The following DDX60 variants were observed in gnomAD, a reference collection of about 807,000 sequenced individuals.
DDX60 encodes the protein DExD/H-box helicase 60.
Under a neutral mutation model 212.8 loss-of-function variants are expected in DDX60, and 165 were observed. The observed-to-expected ratio is 0.78, with a 90% CI of 0.68 to 0.88. DDX60 has a LOEUF of 0.88. Among genes scored for constraint, DDX60 ranks in the 40% least tolerant of loss-of-function variants. The pLI, the probability that DDX60 is intolerant of heterozygous loss-of-function variation, is 0.00. For missense variants in DDX60, 1,905 were observed against 2,003.9 expected (o/e 0.95, Z 0.94); for synonymous variants, 703 against 685.3 (o/e 1.03, Z -0.40).
chr4:168,302,862 A>G (rs1366819039), intron 5 of DDX60, among the ~76,000 whole-genome samples: 3 of 152,168 alleles, frequency 2.0e-5, no homozygotes, highest in Non-Finnish European at 4.4e-5. Context: ...TCAGGTACCT[A>G]TCACCCAGCA....
chr4:168,280,327 T>C lies in DDX60; in HGVS notation c.1978+8A>G, dbSNP rs749998297. On this transcript the variant is annotated splice_region_variant and intron_variant, in intron 14 of 37. Coordinates refer to ENST00000393743, the MANE Select transcript of DDX60 (RefSeq NM_017631.6). The stretch of plus-strand genomic sequence containing the variant: ...AACTCACCGAAATAACAAAACAGAA[T>C]TACATACCTTCTTCACTTCGGCAAT... The C allele has an allele frequency of 6.2e-6, 10 of 1,602,356 alleles. No homozygotes were observed. The highest frequency in any genetic ancestry group is 1.7e-5 in the Admixed American group (1 of 57,404).
At chr4:168,246,183 C>G (rs1734014670) in intron 30 of DDX60, among the ~76,000 whole-genome samples, 1 of 152,108 alleles carries the variant, frequency 6.6e-6, no homozygotes, top group Non-Finnish European at 1.5e-5. Context: ...AAATAGTAAT[C>G]CTGGGTAATT....
rs1353676433 is a variant in DDX60, at chr4:168,236,364, T to C, written c.4421A>G (p.His1474Arg). 1 of 1,603,854 alleles carries C rather than the reference T, an allele frequency of 6.2e-7. No homozygotes were observed. The highest frequency in any genetic ancestry group is 1.3e-5 in the African/African-American group (1 of 74,380). ...LCQPTRKGSK[H>R]FSQDVMEKLV... ...CTTTTCCATAACGTCTTGAGAAAAA[T>C]GTTTTGAGCCTATATAAAACAAAGT... The change falls in exon 33 of 38, where the codon CAT becomes CGT. Residue 1474 changes from histidine (H) to arginine (R), a missense_variant. Coordinates refer to ENST00000393743, the MANE Select transcript of DDX60 (RefSeq NM_017631.6).
intron 1 of DDX60, among the ~76,000 whole-genome samples, chr4:168,314,153 C>T (rs1737260774): frequency 6.6e-6 from 1 of 152,126 alleles, no homozygotes; most frequent in African/African-American, 2.4e-5. Flanking sequence ...ACACCCTAGG[C>T]TTTCCTCTTA....
chr4:168,297,751 CCAGGTGTGGTGG>C (rs1427001432), intron 6 of DDX60, among the ~76,000 whole-genome samples: 1 of 102,546 alleles, frequency 9.8e-6, no homozygotes, highest in Non-Finnish European at 2.0e-5. Flanking sequence ...TAAAAATTAG[CCAGGTGTGGTGG>C]CACAGGCCTG....
chr4:168,293,720 T>C (rs1038423475), intron 7 of DDX60, 67 bp downstream of exon 7: 40 of 1,354,344 alleles, frequency 3.0e-5, no homozygotes, highest in Non-Finnish European at 3.2e-5. Flanking sequence ...AAATGAAAGA[T>C]ACAAATCAAC....
chr4:168,287,133 C>T lies in DDX60; in HGVS notation c.1254G>A (p.Leu418=). ...YEYLWNTVSK[L]VRDFEVGQPF... Reference sequence around the variant, plus strand: ...GCTGTCCAACCTCAAAGTCTCTGACCAACTTTGATACGGTATTCCAGAGAT... The same window carrying T: ...GCTGTCCAACCTCAAAGTCTCTGACTAACTTTGATACGGTATTCCAGAGAT... Residue 418 remains leucine (L), a synonymous_variant, in exon 10 of 38, where the codon TTG becomes TTA. Coordinates refer to ENST00000393743, the MANE Select transcript of DDX60 (RefSeq NM_017631.6). 1 of 1,610,634 alleles carries T rather than the reference C, an allele frequency of 6.2e-7. No individual in the cohort carries two copies. Among genetic ancestry groups the T allele is most frequent in the Non-Finnish European group, 8.5e-7 (1 of 1,177,956 alleles).
In DDX60 at chr4:168,246,398, G is replaced by A. The variant is rs774333749; in HGVS notation, c.4164+20C>T. The A allele has an allele frequency of 6.2e-7, 1 of 1,613,248 alleles. No homozygotes were observed. Among genetic ancestry groups the A allele is most frequent in the South Asian group, 1.1e-5 (1 of 91,022 alleles). ...GGCCAGTGATGAAGACTGAACCTCA[G>A]GCAGTGTCCAGCACGGTACCTTTGC... On this transcript the variant is annotated intron_variant, in intron 30 of 37. Coordinates refer to ENST00000393743, the MANE Select transcript of DDX60 (RefSeq NM_017631.6).
intron 14 of DDX60, among the ~76,000 whole-genome samples, chr4:168,279,511 A>C (rs1735495794): frequency 6.6e-6 from 1 of 152,216 alleles, no homozygotes; most frequent in Non-Finnish European, 1.5e-5. Flanking sequence ...ATTATTCACT[A>C]TTGCTGATGC....
intron 25 of DDX60, among the ~76,000 whole-genome samples, chr4:168,258,653 T>A (rs1435541063): frequency 6.6e-6 from 1 of 152,146 alleles, no homozygotes. Context: ...ATAATTAAAC[T>A]TTTGATGTTT....
At chr4:168,293,393 G>A (rs75193040) in intron 7 of DDX60, among the ~76,000 whole-genome samples, 4,660 of 152,180 alleles carry the variant, frequency 0.031, 99 homozygotes, top group Non-Finnish European at 0.048. Flanking sequence ...TGGACTATTT[G>A]AACTTCAGTG....
At chr4:168,290,033 C>A (rs192495572) in intron 8 of DDX60, among the ~76,000 whole-genome samples, 15 of 152,290 alleles carry the variant, frequency 9.8e-5, no homozygotes, top group Non-Finnish European at 1.8e-4. Flanking sequence ...CTCAGTGAAT[C>A]CTCATTGGGC....
intron 29 of DDX60, among the ~76,000 whole-genome samples, chr4:168,247,536 G>T (rs905862179): frequency 1.3e-5 from 2 of 152,194 alleles, no homozygotes; most frequent in African/African-American, 4.8e-5. Flanking sequence ...ATCTAAATTT[G>T]ATTCTGCGAG....
Position 168,216,867 on chromosome 4 carries a change from A to T in DDX60, c.*66T>A. The stretch of plus-strand genomic sequence containing the variant: ...ATGTATTTCTGGCAAGAAGCATAAG[A>T]ATCAAAAACGTGACCTGAAAAACTA... On this transcript the variant is annotated 3_prime_UTR_variant, in exon 38 of 38. Transcript: ENST00000393743. 1 of 960,540 alleles carries T rather than the reference A, an allele frequency of 1.0e-6. No homozygotes were observed. The highest frequency in any genetic ancestry group is 2.6e-5 in the Admixed American group (1 of 38,228). The allele number at this position is 960,540 out of a possible 1,614,324, so 59.5% of individuals were successfully genotyped here.
chr4:168,253,728 C>T (rs1346619792), intron 26 of DDX60, among the ~76,000 whole-genome samples: 2 of 152,150 alleles, frequency 1.3e-5, no homozygotes, highest in Non-Finnish European at 2.9e-5. Flanking sequence ...TGAGCACACA[C>T]CTTCAATAAA....
intron 14 of DDX60, 85 bp downstream of exon 14, chr4:168,280,250 A>G (rs1243637779): frequency 8.0e-6 from 12 of 1,500,824 alleles, no homozygotes; most frequent in Non-Finnish European, 1.1e-5. Flanking sequence ...TCTAATGCAA[A>G]TTTCCAGTTA....
rs536464552 is a variant in DDX60, at chr4:168,229,919, T to C, written c.4534-4243A>G. ...GGCCTAAATGCTCCACTTAGAAGAT[T>C]TGGAATAGCAAAATGGATAAGAATT... On this transcript the variant is annotated intron_variant, in intron 33 of 37. Coordinates refer to ENST00000393743, the MANE Select transcript of DDX60 (RefSeq NM_017631.6). 3.6e-4 allele frequency among the ~76,000 whole-genome samples: 54 copies of C among 152,052 alleles called. No individual in the cohort carries two copies. The South Asian group carries it at 0.011, about 30-fold the overall frequency.
intron 25 of DDX60, among the ~76,000 whole-genome samples, chr4:168,256,095 TCCCCCCCACCCCA>T (rs1734401245): frequency 2.1e-5 from 1 of 47,020 alleles, no homozygotes; most frequent in Non-Finnish European, 4.2e-5. Context: ...CCCTCCCCAC[TCCCCCCCACCCCA>T]CCCCGCCACC....
chr4:168,291,853 A>C lies in DDX60; in HGVS notation c.936T>G (p.His312Gln). The C allele has an allele frequency of 2.5e-6, 4 of 1,613,654 alleles. No individual in the cohort carries two copies. In the South Asian group the frequency reaches 4.4e-5, roughly 18 times the overall value. The change falls in exon 8 of 38, where the codon CAT becomes CAG. Residue 312 changes from histidine to glutamine, a missense_variant. Coordinates refer to ENST00000393743, the MANE Select transcript of DDX60 (RefSeq NM_017631.6). ...LQEMEDLCKLHCLTVVFLLHL... is the reference protein window; with the variant it reads ...LQEMEDLCKLQCLTVVFLLHL... ...GGAGTAGAAAAACCACAGTGAGACA[A>C]TGCAGTTTACACAAATCTTCCATCT... is the stretch of plus-strand genomic sequence containing the variant.
Sources: allele counts gnomAD v4.1 joint callset (sites outside exome capture counted in the v4.1 genomes callset), GRCh38; gene constraint gnomAD v4.1.1; transcripts MANE v1.5; gene names NCBI Gene and HGNC (gene_info 2026-07-23, HGNC 2026-07-21).